The following CERS4 variants were observed in gnomAD, a reference collection of about 807,000 sequenced individuals.
CERS4 encodes LAG1 homolog, ceramide synthase 4.
A neutral mutation model predicts 51.8 loss-of-function variants in CERS4; 65 were observed. The observed-to-expected ratio is 1.26, with a 90% CI of 1.03 to 1.54. The LOEUF is 1.54. Among genes scored for constraint, CERS4 ranks in the 40% most tolerant of loss-of-function variants. CERS4 has a pLI of 0.00. For synonymous variants in CERS4, 228 were observed against 208.4 expected, an observed-to-expected ratio of 1.09 and a Z score of -0.81; for missense variants, 563 against 500.4, an observed-to-expected ratio of 1.13 and a Z score of -1.19.
At chr19:8,250,726 AT>A (rs1969034283) in intron 2 of CERS4, 1 of 764,968 alleles carries the variant, frequency 1.3e-6, no homozygotes, top group Non-Finnish European at 1.6e-6. Flanking sequence ...AAGTGCTGGG[AT>A]TACAGGCGTG....
chr19:8,252,828 C>T (rs1309706309), intron 3 of CERS4, among the ~76,000 whole-genome samples: 6 of 152,104 alleles, frequency 3.9e-5, no homozygotes, highest in African/African-American at 1.4e-4. Context: ...TCCCGCCCTC[C>T]ACCTCCAAAA....
At chr19:8,256,332 A>G (rs1229737444) in intron 7 of CERS4, 46 bp downstream of exon 7, 2 of 1,602,860 alleles carry the variant, frequency 1.2e-6, no homozygotes. Flanking sequence ...GAGGGCGATG[A>G]TCACAGTTGC....
intron 2 of CERS4, among the ~76,000 whole-genome samples, chr19:8,244,355 C>T (rs570058429): frequency 2.0e-5 from 3 of 152,304 alleles, no homozygotes; most frequent in Middle Eastern, 6.8e-3. Flanking sequence ...GAGATTGCCT[C>T]CCTGCAGAAA....
chr19:8,220,852 C>T (rs1469280964), intron 2 of CERS4, among the ~76,000 whole-genome samples: 3 of 149,270 alleles, frequency 2.0e-5, no homozygotes, highest in African/African-American at 7.4e-5. Context: ...GACGGAGTCT[C>T]GCTCTGTCAC....
At chr19:8,232,167 T>C (rs1968040573) in intron 2 of CERS4, among the ~76,000 whole-genome samples, 1 of 152,012 alleles carries the variant, frequency 6.6e-6, no homozygotes, top group Non-Finnish European at 1.5e-5. Flanking sequence ...TTATCTCCAA[T>C]GAATAGCAAT....
At chr19:8,256,849 G>A (rs908092128) in intron 8 of CERS4, 100 bp from the exon 9 acceptor site, 2 of 1,596,330 alleles carry the variant, frequency 1.3e-6, no homozygotes, top group Non-Finnish European at 8.5e-7. Context: ...GGGCCCAGAG[G>A]CCACACCAAC....
chr19:8,213,895 G>C (rs143172245), intron 2 of CERS4, among the ~76,000 whole-genome samples: 2,970 of 152,228 alleles, frequency 0.02, 116 homozygotes, highest in African/African-American at 0.068. Context: ...GAACCCAGGA[G>C]GCAGAGGTTG....
Position 8,255,733 on chromosome 19 carries a change from C to T in CERS4, c.410+8C>T, listed in dbSNP as rs766955282. The T allele has an allele frequency of 8.1e-6, 13 of 1,612,148 alleles. No homozygotes were observed. In the Admixed American group the frequency reaches 2.2e-4, roughly 27 times the overall value. On this transcript the variant is annotated splice_region_variant and intron_variant, in intron 5 of 11. Transcript: ENST00000251363. ...GAAGTTCTGTGAGGCCAGGTAAGCC[C>T]AGGATGGGGCTTCTGGGGTGCAGGG...
chr19:8,220,735 C>T (rs983628137), intron 2 of CERS4, among the ~76,000 whole-genome samples: 1 of 152,202 alleles, frequency 6.6e-6, no homozygotes, highest in Non-Finnish European at 1.5e-5. Flanking sequence ...CAGGAGAACT[C>T]CCAGAATCGG....
intron 2 of CERS4, among the ~76,000 whole-genome samples, chr19:8,219,193 C>T (rs527723292): frequency 6.6e-6 from 1 of 152,092 alleles, no homozygotes; most frequent in Non-Finnish European, 1.5e-5. Flanking sequence ...GGTGACAGAG[C>T]GAGACTTCAT....
rs1470870268 is a variant in CERS4 at position 8,257,994 on chromosome 19, G to C, written c.848+9G>C. The stretch of plus-strand genomic sequence containing the variant: ...GTCCTCTTTCCCACCCAGTGAGTCA[G>C]CCCTCCCATGGGGGTCAGGGAGGTG... On this transcript the variant is annotated intron_variant, in intron 10 of 11. Coordinates refer to ENST00000251363, the MANE Select transcript of CERS4 (RefSeq NM_024552.3). 4 of 1,604,978 alleles carry C rather than the reference G, an allele frequency of 2.5e-6. No homozygotes were observed. The highest frequency in any genetic ancestry group is 3.4e-6 in the Non-Finnish European group (4 of 1,172,276).
chr19:8,225,509 C>T (rs149083960), intron 2 of CERS4, among the ~76,000 whole-genome samples: 1,816 of 151,298 alleles, frequency 0.012, 34 homozygotes, highest in African/African-American at 0.042. Flanking sequence ...CTGCAACCTC[C>T]GCCTCCCGGG....
At chr19:8,258,045 C>G in intron 10 of CERS4, 60 bp downstream of exon 10, 1 of 1,305,616 alleles carries the variant, frequency 7.7e-7, no homozygotes, top group Admixed American at 1.7e-5. Flanking sequence ...GATTCCAGGA[C>G]TGCCTCACCA....
rs145032800 is a variant in CERS4 at position 8,225,487 on chromosome 19, G to A, written c.-2+14625G>A. Among the ~76,000 whole-genome samples, 982 of 148,848 alleles carry A rather than the reference G, an allele frequency of 6.6e-3. 13 individuals are homozygous for A. The highest frequency in any genetic ancestry group is 0.023 in the African/African-American group (923 of 40,266). ...CCCAGGCTGGAGTGCGCAATGGAGC[G>A]ATCTCGGCTAACTGCAACCTCCGCC... On this transcript the variant is annotated intron_variant, in intron 2 of 11. Coordinates refer to ENST00000251363, the MANE Select transcript of CERS4 (RefSeq NM_024552.3).
intron 2 of CERS4, among the ~76,000 whole-genome samples, chr19:8,238,061 C>G (rs1291181093): frequency 6.6e-6 from 1 of 152,120 alleles, no homozygotes; most frequent in Non-Finnish European, 1.5e-5. Flanking sequence ...CCCTGCTCCA[C>G]TACTCCACCT....
Position 8,262,099 on chromosome 19 carries a change from C to T in CERS4, c.1175C>T (p.Thr392Ile). ...VAGRLTNRHTTAT is the reference protein window; with the variant it reads ...VAGRLTNRHTIAT ...GGGCGTCTGACCAACAGGCACACAA[C>T]AGCCACATAGCCGGGCGGGGCTGGC... Residue 392 changes from threonine to isoleucine, a missense_variant, in exon 12 of 12, where the codon ACA becomes ATA. Physicochemically the swap from Thr to Ile is moderately conservative, Grantham distance 89. Transcript: ENST00000251363. 6.7e-7 allele frequency: 1 copy of T among 1,494,644 alleles called. No individual in the cohort carries two copies. The highest frequency in any genetic ancestry group is 8.9e-7 in the Non-Finnish European group (1 of 1,126,350). 92.6% of individuals were successfully genotyped at this position (1,494,644 alleles called of 1,614,324 possible).
chr19:8,236,673 T>G (rs1968267715), intron 2 of CERS4, among the ~76,000 whole-genome samples: 1 of 107,074 alleles, frequency 9.3e-6, no homozygotes, highest in African/African-American at 4.1e-5. Context: ...AACCAGGCCC[T>G]GTCTTCTAAA....
intron 2 of CERS4, among the ~76,000 whole-genome samples, chr19:8,211,373 C>T (rs1248689527): frequency 6.6e-6 from 1 of 152,118 alleles, no homozygotes; most frequent in African/African-American, 2.4e-5. Flanking sequence ...ACTGGCTGGG[C>T]TTGAGCCTGA....
intron 2 of CERS4, among the ~76,000 whole-genome samples, chr19:8,247,953 T>G (rs1204037876): frequency 6.6e-6 from 1 of 151,892 alleles, no homozygotes; most frequent in Middle Eastern, 3.2e-3. Flanking sequence ...AGGCTGGTCT[T>G]GAACTCCTGA....
Sources: gnomAD v4.1 joint callset for allele counts (sites outside exome capture counted in the v4.1 genomes callset) on GRCh38, gnomAD v4.1.1 for gene constraint, MANE v1.5 for transcripts, NCBI Gene and HGNC (gene_info 2026-07-23, HGNC 2026-07-21) for gene names.